DMD: variants seen among roughly 807,000 people sequenced by gnomAD.
DMD encodes the protein mutant dystrophin.
DMD carries 63 observed loss-of-function variants against 330.1 expected under a neutral mutation model. The ratio of observed to expected loss-of-function variants is 0.19; its 90% confidence interval spans 0.16 to 0.24. The LOEUF (loss-of-function observed/expected upper bound fraction) is 0.24, where lower values mean the gene tolerates loss of function less well. Among genes scored for constraint, DMD ranks in the 10% least tolerant of loss-of-function variants. The probability of loss-of-function intolerance (pLI) is 1.00; values close to 1 mark genes in which losing one functional copy is unlikely to be tolerated. For synonymous variants in DMD, 1,223 were observed against 959.8 expected (o/e 1.27, Z -5.07); for missense variants, 3,344 against 2,684.1 (o/e 1.25, Z -5.43).
rs369423120 is a variant in DMD at position 33,009,958 on chromosome X, A to G, written c.93+10181T>C. 3.9e-3 allele frequency among the ~76,000 whole-genome samples: 242 copies of G among 62,771 alleles called. 2 individuals are homozygous for G. Among genetic ancestry groups the G allele is most frequent in the East Asian group, 0.021 (31 of 1,476 alleles). The allele number at this position is 62,771 out of a possible 115,157, so 54.5% of individuals were successfully genotyped here. On this transcript the variant is annotated intron_variant, in intron 2 of 78. Transcript: ENST00000357033. Reference sequence around the variant, plus strand: ...TGTGTATATACACGTGTGTATGTGTATATACACATATGTGTGTATACACAT... The same window carrying G: ...TGTGTATATACACGTGTGTATGTGTGTATACACATATGTGTGTATACACAT...
At chrX:32,322,634 T>C (rs1024892279) in intron 41 of DMD, among the ~76,000 whole-genome samples, 1 of 111,681 alleles carries the variant, frequency 9.0e-6, no homozygotes, top group African/African-American at 3.3e-5. Context: ...AATTATATCT[T>C]AATGAAATTT....
At chrX:31,848,887 A>G (rs940794270) in intron 48 of DMD, among the ~76,000 whole-genome samples, 1 of 107,184 alleles carries the variant, frequency 9.3e-6, no homozygotes, top group Non-Finnish European at 1.9e-5. Context: ...AAAGAGGTAG[A>G]AAAAAAAAAC....
Position 32,879,021 on chromosome X carries a change from A to AAAAAAAAAAAC in DMD, c.94-29202_94-29201insGTTTTTTTTTT, listed in dbSNP as rs1352069437. Reference sequence around the variant, plus strand: ...AGACTACGTCTCAAAAAAAAAACAAAAAACAAAAAACAAACAAAAAAAAAA... The same window carrying AAAAAAAAAAAC: ...AGACTACGTCTCAAAAAAAAAACAAAAAAAAAAAAACAAACAAAAAACAAACAAAAAAAAAA... On this transcript the variant is annotated intron_variant, in intron 2 of 78. Transcript: ENST00000357033. 1.7e-3 allele frequency among the ~76,000 whole-genome samples: 169 copies of AAAAAAAAAAAC among 101,744 alleles called. 3 individuals carry two copies. Among genetic ancestry groups the AAAAAAAAAAAC allele is most frequent in the Non-Finnish European group, 3.1e-3 (151 of 48,813 alleles). 88.4% of individuals were successfully genotyped at this position (101,744 alleles called of 115,157 possible). A position where few individuals can be genotyped will look rare whatever the true frequency, so the allele number is the denominator to read the frequency against.
chrX:31,190,590 C>CGGGGGGGGG (rs757452490), intron 67 of DMD, among the ~76,000 whole-genome samples: 2 of 2,485 alleles, frequency 8.0e-4, no homozygotes, highest in Non-Finnish European at 2.9e-3. Flanking sequence ...CACAACTGGG[C>CGGGGGGGGG]GGGGGGGGGG....
At chrX:32,767,758 G>A (rs1415163880) in intron 7 of DMD, among the ~76,000 whole-genome samples, 1 of 111,643 alleles carries the variant, frequency 9.0e-6, no homozygotes, top group Non-Finnish European at 1.9e-5. Context: ...TGATTCTACT[G>A]TCACAAGAAC....
chrX:32,849,773 C>G lies in DMD; in HGVS notation c.141G>C (p.Gly47=). ...CTTCGAGGAGGTCTAGGAGGCGCCT[C>G]CCATCCTGTAGGTCACTGAAGAGGT... The part of the protein sequence containing the change: ...IENLFSDLQD[G]RRLLDLLEGL... Residue 47 remains glycine (G), a synonymous_variant, in exon 3 of 79, where the codon GGG becomes GGC. Coordinates refer to ENST00000357033, the MANE Select transcript of DMD (RefSeq NM_004006.3). 2.5e-6 allele frequency: 3 copies of G among 1,210,007 alleles called. No homozygotes were observed. The highest frequency in any genetic ancestry group is 3.4e-6 in the Non-Finnish European group (3 of 894,388).
chrX:32,410,902 A>G (rs1347399381), intron 30 of DMD, among the ~76,000 whole-genome samples: 3 of 112,020 alleles, frequency 2.7e-5, no homozygotes, highest in Non-Finnish European at 5.6e-5. Context: ...TTCTAGAAAA[A>G]CAGGTAAACA....
intron 54 of DMD, among the ~76,000 whole-genome samples, chrX:31,645,770 T>C (rs56173147): frequency 0.025 from 2,752 of 112,079 alleles, 92 homozygotes; most frequent in African/African-American, 0.084. Context: ...CTGTATAGAT[T>C]ATCCCTTCCC....
At chrX:32,512,004 T>C (rs750755970) in intron 18 of DMD, among the ~76,000 whole-genome samples, 1 of 111,888 alleles carries the variant, frequency 8.9e-6, no homozygotes, top group East Asian at 2.8e-4. Context: ...GTGATTATTG[T>C]GGGCTCATGA....
At chrX:31,797,870 G>T (rs1234849197) in intron 50 of DMD, among the ~76,000 whole-genome samples, 1 of 111,903 alleles carries the variant, frequency 8.9e-6, no homozygotes, top group Non-Finnish European at 1.9e-5. Flanking sequence ...TAGGTGGTAA[G>T]AATTGGAAGT....
chrX:32,998,154 C>G (rs5927120), intron 2 of DMD, among the ~76,000 whole-genome samples: 3,930 of 108,979 alleles, frequency 0.036, 130 homozygotes, highest in East Asian at 0.2. Context: ...TGAGCTCAAG[C>G]ATTCAAGACC....
At chrX:32,775,137 A>C (rs1487730175) in intron 7 of DMD, among the ~76,000 whole-genome samples, 11 of 112,874 alleles carry the variant, frequency 9.7e-5, no homozygotes, top group Non-Finnish European at 1.7e-4. Context: ...TATCCAGGGC[A>C]GGCTGATGCA....
At chrX:32,008,892 T>C (rs1236779688) in intron 44 of DMD, among the ~76,000 whole-genome samples, 1 of 110,974 alleles carries the variant, frequency 9.0e-6, no homozygotes, top group Admixed American at 9.6e-5. Flanking sequence ...GAGGGAAAGT[T>C]GAAAAGTTTG....
chrX:31,121,447 T>TGA lies in DMD; in HGVS notation c.*471_*472insTC. 6.4e-6 allele frequency: 1 copy of TGA among 155,559 alleles called. No individual in the cohort carries two copies. Among genetic ancestry groups the TGA allele is most frequent in the Non-Finnish European group, 1.2e-5 (1 of 84,219 alleles). 12.8% of individuals were successfully genotyped at this position (155,559 alleles called of 1,213,427 possible). On this transcript the variant is annotated 3_prime_UTR_variant, in exon 79 of 79. Transcript: ENST00000357033. The stretch of plus-strand genomic sequence containing the variant: ...AGTTTTGTGTGTGTGTGTGTATGTG[T>TGA]GTGTGTGTGTGTTTGTTTTGTTTTT...
At position 32,448,529 on chromosome X, in the gene DMD, T is replaced by C. The variant is rs150333718; in HGVS notation, c.3713A>G (p.Lys1238Arg). 7 of 1,206,559 alleles carry C rather than the reference T, an allele frequency of 5.8e-6. No individual in the cohort carries two copies. The African/African-American group carries it at 7.0e-5, about 12-fold the overall frequency. Reference sequence around the variant, plus strand: ...GTTGGTGGTTAGAGTTTCAAGTTCCTTTTTTAAGGCCTCTTGTGCTACAGG... The same window carrying C: ...GTTGGTGGTTAGAGTTTCAAGTTCCCTTTTTAAGGCCTCTTGTGCTACAGG... Reference protein sequence around the residue: ...APPVAQEALKKELETLTTNYQ... With the variant: ...APPVAQEALKRELETLTTNYQ... Residue 1238 changes from lysine to arginine, a missense_variant, in exon 27 of 79, where the codon AAG (lysine) becomes AGG (arginine). Lys to Arg is a conservative substitution (Grantham distance 26). Transcript: ENST00000357033.
In DMD at chrX:31,314,779, A is replaced by AGAGAGT. The variant is rs1225831523; in HGVS notation, c.9224+8818_9224+8819insACTCTC. ...GAGAGAGAGAGAGAGAGAGAGAGAGAGTGTTTTACCGTGTTAACATTTTTC... is the reference window on the plus strand; with the variant it reads ...GAGAGAGAGAGAGAGAGAGAGAGAGAGAGAGTGTGTTTTACCGTGTTAACATTTTTC... On this transcript the variant is annotated intron_variant, in intron 62 of 78. Transcript: ENST00000357033. Among the ~76,000 whole-genome samples the AGAGAGT allele has an allele frequency of 1.5e-3, 136 of 93,436 alleles. 2 individuals carry two copies. Among genetic ancestry groups the AGAGAGT allele is most frequent in the African/African-American group, 5.5e-3 (127 of 23,252 alleles). 81.1% of individuals were successfully genotyped at this position (93,436 alleles called of 115,157 possible).
chrX:33,094,076 GT>G (rs1192155082), intron 1 of DMD, among the ~76,000 whole-genome samples: 10 of 106,033 alleles, frequency 9.4e-5, no homozygotes, highest in Admixed American at 2.0e-4. Context: ...GAAAATGTGT[GT>G]TTTTTTTTTC....
chrX:31,342,039 A>G (rs1256096982), intron 61 of DMD, among the ~76,000 whole-genome samples: 1 of 110,865 alleles, frequency 9.0e-6, no homozygotes, highest in Non-Finnish European at 1.9e-5. Flanking sequence ...TACCAGTCAA[A>G]AATTGTTGGT....
intron 2 of DMD, among the ~76,000 whole-genome samples, chrX:32,980,079 AC>A (rs2092662514): frequency 9.0e-6 from 1 of 110,814 alleles, no homozygotes; most frequent in African/African-American, 3.3e-5. Context: ...AAAATGGGGT[AC>A]AGGGGCCAGG....
Sources: allele counts gnomAD v4.1 joint callset (sites outside exome capture counted in the v4.1 genomes callset), GRCh38; gene constraint gnomAD v4.1.1; transcripts MANE v1.5; gene names NCBI Gene and HGNC (gene_info 2026-07-23, HGNC 2026-07-21).